GGH: variants seen among roughly 807,000 people sequenced by gnomAD.
The protein encoded by GGH is gamma-glutamyl hydrolase, also known as gamma-Glu-X carboxypeptidase.
A neutral mutation model predicts 39.2 loss-of-function variants in GGH; 18 were observed. That is an observed-to-expected ratio of 0.46 (90% confidence interval 0.32 to 0.68). GGH has a LOEUF of 0.68. Among genes scored for constraint, GGH ranks in the 30% least tolerant of loss-of-function variants. GGH has a pLI of 0.04. For synonymous variants in GGH, 147 were observed against 138.8 expected (o/e 1.06, Z -0.42); for missense variants, 367 against 384.1 (o/e 0.96, Z 0.37).
chr8:63,035,792 G>A lies in GGH; in HGVS notation c.110-22C>T, dbSNP rs77346539. 3.0e-4 allele frequency: 478 copies of A among 1,582,436 alleles called. 1 individual carries two copies. The African/African-American group carries it at 5.7e-3, about 19-fold the overall frequency. ...ATTCCTAATAACAAAAAAAAGTTTA[G>A]TTTCAAGCAAATTCCTTTTCTTCTT... On this transcript the variant is annotated intron_variant, in intron 1 of 8. Transcript: ENST00000260118.
intron 7 of GGH, among the ~76,000 whole-genome samples, chr8:63,021,112 T>C (rs1804577690): frequency 6.6e-6 from 1 of 152,326 alleles, no homozygotes. Context: ...ACATTGTTTC[T>C]TTTTTGCCAA....
intron 8 of GGH, among the ~76,000 whole-genome samples, chr8:63,016,408 T>C (rs753388233): frequency 2.0e-5 from 3 of 152,166 alleles, no homozygotes; most frequent in Admixed American, 6.5e-5. Context: ...TAGGAAGTAC[T>C]TGACTTCCCA....
At chr8:63,021,107 GTTTC>G (rs1804577556) in intron 7 of GGH, among the ~76,000 whole-genome samples, 1 of 152,054 alleles carries the variant, frequency 6.6e-6, no homozygotes, top group Non-Finnish European at 1.5e-5. Context: ...ACCGAACATT[GTTTC>G]TTTTTTGCCA....
chr8:63,016,080 G>A (rs774005848), intron 8 of GGH, among the ~76,000 whole-genome samples: 7 of 152,222 alleles, frequency 4.6e-5, no homozygotes, highest in Non-Finnish European at 1.0e-4. Flanking sequence ...GAGGCACAGT[G>A]AGAAGTTTGG....
intron 3 of GGH, chr8:63,029,935 ATG>A (rs35599101): frequency 1.2e-5 from 4 of 335,306 alleles, no homozygotes; most frequent in East Asian, 4.8e-5. Context: ...TAAAAAAATT[ATG>A]TGTGTCTACT....
intron 2 of GGH, among the ~76,000 whole-genome samples, chr8:63,031,965 T>C (rs1804814561): frequency 1.3e-5 from 2 of 152,162 alleles, no homozygotes. Context: ...GTTTGCCCCA[T>C]TTAAAACTCA....
chr8:63,017,637 G>A lies in GGH; in HGVS notation c.698-7C>T, dbSNP rs376440573. The A allele has an allele frequency of 3.9e-6, 6 of 1,543,642 alleles. No individual in the cohort carries two copies. Among genetic ancestry groups the A allele is most frequent in the African/African-American group, 1.4e-5 (1 of 72,438 alleles). On this transcript the variant is annotated splice_region_variant and splice_polypyrimidine_tract_variant and intron_variant, in intron 7 of 8. Transcript: ENST00000260118. The stretch of plus-strand genomic sequence containing the variant: ...TATACTGGATACTTATATCCTGTAA[G>A]AAGAACACAAATTAGTAAGTACTAA...
intron 4 of GGH, chr8:63,026,928 G>A (rs893885127): frequency 4.3e-6 from 2 of 467,420 alleles, no homozygotes; most frequent in Non-Finnish European, 7.5e-6. Context: ...ACTACATGAG[G>A]ACACGGTTCA....
chr8:63,035,626 TAAAAA>T, intron 2 of GGH, 25 bp downstream of exon 2: 3 of 1,498,304 alleles, frequency 2.0e-6, no homozygotes, highest in Non-Finnish European at 2.7e-6. Flanking sequence ...TTATACAGAG[TAAAAA>T]AAAAAAAAAA....
chr8:63,032,570 T>A (rs940176035), intron 2 of GGH, among the ~76,000 whole-genome samples: 7 of 152,078 alleles, frequency 4.6e-5, no homozygotes, highest in Admixed American at 2.6e-4. Flanking sequence ...GCTTCCCAGG[T>A]CTCCCATCTC....
chr8:63,024,607 A>G (rs146674552), intron 5 of GGH: 2 of 157,400 alleles, frequency 1.3e-5, no homozygotes, highest in African/African-American at 4.8e-5. Context: ...ACAAATAAAA[A>G]TACAAACAAT....
chr8:63,016,199 C>T (rs915911410), intron 8 of GGH, among the ~76,000 whole-genome samples: 1 of 152,184 alleles, frequency 6.6e-6, no homozygotes, highest in Non-Finnish European at 1.5e-5. Flanking sequence ...AGATAAAAGA[C>T]CACATAGACC....
chr8:63,036,014 T>C (rs900463887), intron 1 of GGH, among the ~76,000 whole-genome samples: 3 of 152,136 alleles, frequency 2.0e-5, no homozygotes, highest in Non-Finnish European at 4.4e-5. Context: ...AGGCTTACAA[T>C]AGCACTTGCA....
At position 63,015,422 on chromosome 8, in the gene GGH, T is replaced by A. The variant is rs771535437; in HGVS notation, c.867A>T (p.Glu289Asp). 1 of 1,523,322 alleles carries A rather than the reference T, an allele frequency of 6.6e-7. No homozygotes were observed. The highest frequency in any genetic ancestry group is 9.0e-7 in the Non-Finnish European group (1 of 1,111,992). 94.4% of individuals were successfully genotyped at this position (1,523,322 alleles called of 1,614,324 possible). The change falls in exon 9 of 9, where the codon GAA (glutamate) becomes GAT (aspartate). Residue 289 changes from glutamate to aspartate, a missense_variant. Transcript: ENST00000260118. ...ARKNNHHFKS[E>D]SEEEKALIYQ... The stretch of plus-strand genomic sequence containing the variant: ...AAATCAATGCTTTCTCCTCTTCAGA[T>A]TCAGATTTAAAATGATGGTTGTTTT...
At chr8:63,029,545 C>T (rs1804764045) in intron 3 of GGH, among the ~76,000 whole-genome samples, 1 of 152,094 alleles carries the variant, frequency 6.6e-6, no homozygotes, top group Non-Finnish European at 1.5e-5. Context: ...AATTCCTCCT[C>T]AAGTTCCCAG....
At position 63,017,794 on chromosome 8, in the gene GGH, A is replaced by T. The variant is rs545135070; in HGVS notation, c.698-164T>A. The T allele has an allele frequency of 1.2e-4, 62 of 514,286 alleles. No individual in the cohort carries two copies. In the South Asian group the frequency reaches 1.9e-3, roughly 16 times the overall value. The allele number at this position is 514,286 out of a possible 1,614,324, so 31.9% of individuals were successfully genotyped here. On this transcript the variant is annotated intron_variant, in intron 7 of 8. Transcript: ENST00000260118. The stretch of plus-strand genomic sequence containing the variant: ...ACAAAATAATTTCCATTCATAATCA[A>T]TGTGAAAATTCCCTGTAACGTATTT...
intron 2 of GGH, among the ~76,000 whole-genome samples, chr8:63,034,161 G>T (rs1365260281): frequency 6.6e-6 from 1 of 151,390 alleles, no homozygotes; most frequent in Non-Finnish European, 1.5e-5. Context: ...ACTCTCTGGA[G>T]CCTCTTCCTC....
chr8:63,027,206 T>C lies in GGH; in HGVS notation c.335A>G (p.Lys112Arg). 1 of 1,537,562 alleles carries C rather than the reference T, an allele frequency of 6.5e-7. No individual in the cohort carries two copies. Among genetic ancestry groups the C allele is most frequent in the South Asian group, 1.1e-5 (1 of 89,468 alleles). The change falls in exon 4 of 9, where the codon AAA (lysine) becomes AGA (arginine). Residue 112 changes from lysine (K) to arginine (R), a missense_variant. Transcript: ENST00000260118. ...CTGTATGGACAAGTTATAAAATATT[T>C]TGGCCACTTTAGCATAATCTGAGCG... ...LRRSDYAKVA[K>R]IFYNLSIQSF...
chr8:63,027,265 T>G lies in GGH; in HGVS notation c.276A>C (p.Gly92=). 1 of 1,575,314 alleles carries G rather than the reference T, an allele frequency of 6.3e-7. No homozygotes were observed. Among genetic ancestry groups the G allele is most frequent in the South Asian group, 1.1e-5 (1 of 90,296 alleles). ...CAACACTTCCTCCAGGGAAAAGGAT[T>G]CTGAAACAACGTTACATAAATCAAA... ...DYEILFKSIN[G]ILFPGGSVDL... is the part of the protein sequence containing the mutation. The change falls in exon 4 of 9, where the codon GGA becomes GGC. Residue 92 remains glycine, a splice_region_variant and synonymous_variant. Coordinates refer to ENST00000260118, the MANE Select transcript of GGH (RefSeq NM_003878.3).
Sources: allele counts gnomAD v4.1 joint callset (sites outside exome capture counted in the v4.1 genomes callset), GRCh38; gene constraint gnomAD v4.1.1; transcripts MANE v1.5; gene names NCBI Gene and HGNC (gene_info 2026-07-23, HGNC 2026-07-21).